Variants in MREG observed in about 807,000 individuals in gnomAD.
MREG encodes the protein dilute suppressor protein homolog.
Under a neutral mutation model 28.5 loss-of-function variants are expected in MREG, and 31 were observed. The observed-to-expected ratio is 1.09, with a 90% CI of 0.82 to 1.47. The LOEUF (loss-of-function observed/expected upper bound fraction) is 1.47, where lower values mean the gene tolerates loss of function less well. Ranked by LOEUF, MREG falls within the 40% of genes most tolerant of loss-of-function variation. MREG has a pLI of 0.00. For missense variants in MREG, 256 were observed against 257.4 expected, an observed-to-expected ratio of 0.99 and a Z score of 0.04; for synonymous variants, 106 against 95.2, an observed-to-expected ratio of 1.11 and a Z score of -0.66.
At chr2:215,988,100 T>C (rs1307635128) in intron 2 of MREG, among the ~76,000 whole-genome samples, 2 of 152,150 alleles carry the variant, frequency 1.3e-5, no homozygotes, top group East Asian at 3.9e-4. Context: ...GAAGAGGTTA[T>C]TCCAAGATGG....
At chr2:215,988,982 TG>T (rs1482986045) in intron 2 of MREG, among the ~76,000 whole-genome samples, 3 of 152,172 alleles carry the variant, frequency 2.0e-5, no homozygotes, top group African/African-American at 7.2e-5. Flanking sequence ...CAGACTTAAA[TG>T]TTCCTGCCTG....
chr2:215,949,083 A>ACTG (rs1692408559), intron 2 of MREG, among the ~76,000 whole-genome samples: 1 of 121,282 alleles, frequency 8.2e-6, no homozygotes, highest in Admixed American at 8.4e-5. Context: ...TACTACTACT[A>ACTG]CTACTAATAA....
At chr2:215,979,828 T>C (rs1280442788) in intron 2 of MREG, among the ~76,000 whole-genome samples, 2 of 151,918 alleles carry the variant, frequency 1.3e-5, no homozygotes, top group Non-Finnish European at 2.9e-5. Context: ...AGTAGGTCAC[T>C]GGAGGCTTGA....
intron 1 of MREG, among the ~76,000 whole-genome samples, chr2:216,030,295 C>A (rs1300756616): frequency 1.3e-5 from 2 of 152,146 alleles, no homozygotes; most frequent in Non-Finnish European, 2.9e-5. Flanking sequence ...TCTCTCAGTA[C>A]AGGGCAGGGG....
upstream of MREG, among the ~76,000 whole-genome samples, chr2:216,033,490 G>A (rs1419661566): frequency 2.6e-5 from 4 of 152,056 alleles, no homozygotes; most frequent in Admixed American, 6.6e-5. Flanking sequence ...GAGCCCTGAA[G>A]GAACTGGCAG....
At chr2:216,001,409 G>A (rs976937273) in intron 1 of MREG, among the ~76,000 whole-genome samples, 12 of 152,118 alleles carry the variant, frequency 7.9e-5, no homozygotes, top group African/African-American at 1.9e-4. Context: ...AGAACCAACC[G>A]CTGTGCCCCT....
Position 215,996,322 on chromosome 2 carries a change from T to G in MREG, c.239A>C (p.Gln80Pro). Residue 80 changes from glutamine (Q) to proline (P), a missense_variant, in exon 2 of 5, where the codon CAG (glutamine) becomes CCG (proline). Physicochemically the swap from Gln to Pro is moderately conservative, Grantham distance 76. Coordinates refer to ENST00000263268, the MANE Select transcript of MREG (RefSeq NM_018000.3). ...LYNLIVIRNQ[Q>P]AKDSEEWQKL... ...GGTGCTCACCTCTGAGTCTTTGGCC[T>G]GCTGATTACGAATGACTATCAAATT... 1 of 1,613,856 alleles carries G rather than the reference T, an allele frequency of 6.2e-7. No homozygotes were observed. The highest frequency in any genetic ancestry group is 8.5e-7 in the Non-Finnish European group (1 of 1,179,862).
chr2:215,995,203 T>C (rs1023510576), intron 2 of MREG, among the ~76,000 whole-genome samples: 1 of 152,002 alleles, frequency 6.6e-6, no homozygotes, highest in Admixed American at 6.6e-5. Context: ...CAGCCAGAGG[T>C]AGTGGGTGCT....
Position 215,944,958 on chromosome 2 carries a change from T to C in MREG, c.550A>G (p.Lys184Glu). 1 of 1,606,008 alleles carries C rather than the reference T, an allele frequency of 6.2e-7. No individual in the cohort carries two copies. Among genetic ancestry groups the C allele is most frequent in the Non-Finnish European group, 8.5e-7 (1 of 1,173,646 alleles). The change falls in exon 5 of 5, where the codon AAG becomes GAG. Residue 184 changes from lysine (K) to glutamate (E), a missense_variant. Physicochemically the swap from Lys to Glu is moderately conservative, Grantham distance 56. Coordinates refer to ENST00000263268, the MANE Select transcript of MREG (RefSeq NM_018000.3). ...TTGGGGTAAGTTCGACGAGCAAGCT[T>C]AAAGAACTCTTCTGCAGCATCAAGT... is the stretch of plus-strand genomic sequence containing the variant. ...IALDAAEEFF[K>E]LARRTYPKKP...
rs566954728 is a variant in MREG at position 215,996,514 on chromosome 2, T to G, written c.96-49A>C. ...TTGGGGTTTTATAATATACATAAAA[T>G]GTTATATGTCATATGCATGCAACAT... On this transcript the variant is annotated intron_variant, in intron 1 of 4. Coordinates refer to ENST00000263268, the MANE Select transcript of MREG (RefSeq NM_018000.3). 4.6e-5 allele frequency: 65 copies of G among 1,406,586 alleles called. 1 individual carries two copies. The East Asian group carries it at 1.5e-3, about 32-fold the overall frequency. The allele number at this position is 1,406,586 out of a possible 1,614,324, so 87.1% of individuals were successfully genotyped here.
intron 1 of MREG, among the ~76,000 whole-genome samples, chr2:215,999,722 G>A (rs1388244310): frequency 6.6e-6 from 1 of 152,198 alleles, no homozygotes; most frequent in African/African-American, 2.4e-5. Context: ...GAGAGCGGGT[G>A]ACAGCAGCCC....
rs1472227889 is a variant in MREG at position 215,996,347 on chromosome 2, T to C, written c.214A>G (p.Asn72Asp). The C allele has an allele frequency of 6.2e-7, 1 of 1,613,892 alleles. No individual in the cohort carries two copies. The highest frequency in any genetic ancestry group is 2.2e-5 in the East Asian group (1 of 44,880). Residue 72 changes from asparagine (N) to aspartate (D), a missense_variant, in exon 2 of 5, where the codon AAT (asparagine) becomes GAT (aspartate). Physicochemically the swap from Asn to Asp is conservative, Grantham distance 23. Coordinates refer to ENST00000263268, the MANE Select transcript of MREG (RefSeq NM_018000.3). ...TGCTGATTACGAATGACTATCAAAT[T>C]GTACAGGGTTCTGTCGTCGTCTGCC... ...TEADDDRTLY[N>D]LIVIRNQQAK...
rs1174434675 is a variant in MREG, at chr2:215,947,242, A to G, written c.256-129T>C. On this transcript the variant is annotated intron_variant, in intron 2 of 4. Transcript: ENST00000263268. ...TAATCTTCAAAGCAAGCCTAAAAGAAGAGAAGGAGATGGATGAGATAAAGT... is the reference window on the plus strand; with the variant it reads ...TAATCTTCAAAGCAAGCCTAAAAGAGGAGAAGGAGATGGATGAGATAAAGT... 1.3e-5 allele frequency: 8 copies of G among 622,594 alleles called. No individual in the cohort carries two copies. In the African/African-American group the frequency reaches 1.5e-4, roughly 12 times the overall value. 38.6% of individuals were successfully genotyped at this position (622,594 alleles called of 1,614,324 possible).
chr2:215,981,353 T>G (rs1310303283), intron 2 of MREG, among the ~76,000 whole-genome samples: 1 of 152,200 alleles, frequency 6.6e-6, no homozygotes, highest in Non-Finnish European at 1.5e-5. Flanking sequence ...TGACGGCTGC[T>G]GCAGTGTGAA....
intron 2 of MREG, among the ~76,000 whole-genome samples, chr2:215,964,840 C>CAGATAGACAGAT (rs1553548850): frequency 4.0e-5 from 6 of 149,626 alleles, no homozygotes; most frequent in African/African-American, 1.5e-4. Flanking sequence ...GACAGACAGA[C>CAGATAGACAGAT]AGATAGATAG....
At chr2:215,979,978 C>CAAAAAA (rs5838560) in intron 2 of MREG, among the ~76,000 whole-genome samples, 1 of 143,386 alleles carries the variant, frequency 7.0e-6, no homozygotes, top group Admixed American at 6.9e-5. Flanking sequence ...AACAAACAAA[C>CAAAAAA]AAAAAAAAAA....
chr2:215,997,661 A>C (rs1019607188), intron 1 of MREG, among the ~76,000 whole-genome samples: 3 of 152,206 alleles, frequency 2.0e-5, no homozygotes, highest in African/African-American at 7.2e-5. Flanking sequence ...ATTAAGTGGG[A>C]GCTCAGGAGG....
Position 215,996,402 on chromosome 2 carries a change from C to A in MREG, c.159G>T (p.Trp53Cys). 6.2e-7 allele frequency: 1 copy of A among 1,613,574 alleles called. No homozygotes were observed. Among genetic ancestry groups the A allele is most frequent in the Non-Finnish European group, 8.5e-7 (1 of 1,179,530 alleles). ...TGTGGGACACATCATGGGGCATACT[C>A]CATAAATTCTTCTCATCATCCCTCA... Reference protein sequence around the residue: ...TLVRDDEKNLWSMPHDVSHTE... With the variant: ...TLVRDDEKNLCSMPHDVSHTE... Residue 53 changes from tryptophan to cysteine, a missense_variant, in exon 2 of 5, where the codon TGG (tryptophan) becomes TGT (cysteine). Physicochemically the swap from Trp to Cys is radical, Grantham distance 215. Transcript: ENST00000263268.
chr2:216,029,015 T>G (rs1694640281), intron 1 of MREG, among the ~76,000 whole-genome samples: 1 of 152,050 alleles, frequency 6.6e-6, no homozygotes, highest in Non-Finnish European at 1.5e-5. Context: ...TGCAGACCAC[T>G]CAAGATACAC....
Sources: gnomAD v4.1 joint callset for allele counts (sites outside exome capture counted in the v4.1 genomes callset) on GRCh38, gnomAD v4.1.1 for gene constraint, MANE v1.5 for transcripts, NCBI Gene and HGNC (gene_info 2026-07-23, HGNC 2026-07-21) for gene names.